Variants in MBTD1 observed in about 807,000 individuals in gnomAD.
MBTD1 encodes MBT domain-containing protein 1.
In MBTD1, 24 loss-of-function variants were observed where a neutral mutation model predicts 87.8. The ratio of observed to expected loss-of-function variants is 0.27; its 90% CI spans 0.20 to 0.38. MBTD1 has a LOEUF of 0.38. Ranked by LOEUF, MBTD1 falls within the 10% of genes least tolerant of loss-of-function variation. The probability of loss-of-function intolerance (pLI) is 1.00; values close to 1 mark genes in which losing one functional copy is unlikely to be tolerated. For missense variants in MBTD1, 436 were observed against 760.2 expected (o/e 0.57, Z 5.02); for synonymous variants, 237 against 248.6 (o/e 0.95, Z 0.44).
chr17:51,244,599 G>C (rs953851247), intron 2 of MBTD1, among the ~76,000 whole-genome samples: 2 of 152,040 alleles, frequency 1.3e-5, no homozygotes, highest in Non-Finnish European at 2.9e-5. Context: ...GTAGAGGCAG[G>C]GTTTCACCAT....
intron 12 of MBTD1, among the ~76,000 whole-genome samples, chr17:51,196,631 C>T (rs1208141280): frequency 6.6e-6 from 1 of 151,950 alleles, no homozygotes; most frequent in Non-Finnish European, 1.5e-5. Flanking sequence ...GTAGCTCATG[C>T]CTGTAATCTC....
At chr17:51,225,568 G>T (rs903443828) in intron 2 of MBTD1, among the ~76,000 whole-genome samples, 5 of 151,382 alleles carry the variant, frequency 3.3e-5, no homozygotes, top group African/African-American at 1.2e-4. Context: ...TGTTGCCCAG[G>T]CTGGTCTTTA....
Position 51,179,127 on chromosome 17 carries a change from G to A in MBTD1, c.*1449C>T, listed in dbSNP as rs1251272645. The A allele has an allele frequency of 1.3e-5, 2 of 152,036 alleles. No individual in the cohort carries two copies. The highest frequency in any genetic ancestry group is 1.9e-4 in the East Asian group (1 of 5,172). 9.4% of individuals were successfully genotyped at this position (152,036 alleles called of 1,614,324 possible). On this transcript the variant is annotated 3_prime_UTR_variant, in exon 17 of 17. Transcript: ENST00000586178. Reference sequence around the variant, plus strand: ...AAAGCATTCCATAGGCTGAAGGACTGTAGAGGTTAATCATTTTGATTAATT... The same window carrying A: ...AAAGCATTCCATAGGCTGAAGGACTATAGAGGTTAATCATTTTGATTAATT...
At chr17:51,186,372 CTGAA>C (rs2050534482) in intron 16 of MBTD1, 1 of 152,260 alleles carries the variant, frequency 6.6e-6, no homozygotes, top group Non-Finnish European at 1.5e-5. Context: ...GAGAGACTGA[CTGAA>C]TGTGTGTGTT....
At chr17:51,260,296 C>A, upstream of MBTD1, 1 of 517,412 alleles carries the variant, frequency 1.9e-6, no homozygotes, top group Non-Finnish European at 3.4e-6. Flanking sequence ...TCTTGCGCTC[C>A]TTTCAATATG....
chr17:51,240,237 T>C (rs545913422), intron 2 of MBTD1, among the ~76,000 whole-genome samples: 13 of 152,318 alleles, frequency 8.5e-5, no homozygotes, highest in African/African-American at 3.1e-4. Context: ...CATCTTACAT[T>C]AGTATTGAAC....
rs779682333 is a variant in MBTD1 at position 51,178,440 on chromosome 17, T to C, written c.*2136A>G. On this transcript the variant is annotated 3_prime_UTR_variant, in exon 17 of 17. Transcript: ENST00000586178. ...AACCTGGGTATAAATGAGCATTTCATAGATTACCAGGACTGACTAGCTCCA... is the reference window on the plus strand; with the variant it reads ...AACCTGGGTATAAATGAGCATTTCACAGATTACCAGGACTGACTAGCTCCA... 20 of 152,216 alleles carry C rather than the reference T, an allele frequency of 1.3e-4. No homozygotes were observed. The highest frequency in any genetic ancestry group is 2.6e-4 in the Non-Finnish European group (18 of 68,042). The allele number at this position is 152,216 out of a possible 1,614,324, so 9.4% of individuals were successfully genotyped here. A position where few individuals can be genotyped will look rare whatever the true frequency, so the allele number is the denominator to read the frequency against.
intron 2 of MBTD1, among the ~76,000 whole-genome samples, chr17:51,248,193 C>T (rs577783484): frequency 2.6e-5 from 4 of 152,308 alleles, no homozygotes; most frequent in South Asian, 2.1e-4. Flanking sequence ...GGTTCATCAA[C>T]TAGACGTATA....
Position 51,193,451 on chromosome 17 carries a change from C to A in MBTD1, c.1432G>T (p.Ala478Ser). The A allele has an allele frequency of 6.2e-7, 1 of 1,612,260 alleles. No individual in the cohort carries two copies. Among genetic ancestry groups the A allele is most frequent in the Non-Finnish European group, 8.5e-7 (1 of 1,179,412 alleles). The change falls in exon 14 of 17, where the codon GCA becomes TCA. Residue 478 changes from alanine (A) to serine (S), a missense_variant. Transcript: ENST00000586178. ...ACCTTATTAAATAGTTTTACTGGTG[C>A]TGCAATGGAGCCAGTTTCCCTGAGG... ...DYLRETGSIAAPVKLFNKDVP... is the reference protein window; with the variant it reads ...DYLRETGSIASPVKLFNKDVP...
intron 2 of MBTD1, among the ~76,000 whole-genome samples, chr17:51,248,145 C>CATCTATT (rs1410552637): frequency 6.6e-6 from 1 of 152,150 alleles, no homozygotes; most frequent in Non-Finnish European, 1.5e-5. Context: ...GCTAGTGATT[C>CATCTATT]ATCTATTATG....
At chr17:51,212,620 T>C (rs1378418048) in intron 6 of MBTD1, among the ~76,000 whole-genome samples, 1 of 145,978 alleles carries the variant, frequency 6.9e-6, no homozygotes, top group East Asian at 2.0e-4. Context: ...TTTATGTACA[T>C]TTATACATTT....
chr17:51,260,586 T>C, upstream of MBTD1: 2 of 1,611,690 alleles, frequency 1.2e-6, no homozygotes, highest in South Asian at 1.1e-5. Flanking sequence ...AACCTAACGA[T>C]GCCGCCGGAG....
chr17:51,256,707 T>G (rs2055109473), intron 2 of MBTD1: 1 of 152,226 alleles, frequency 6.6e-6, no homozygotes, highest in Non-Finnish European at 1.5e-5. Flanking sequence ...TAGTTACATT[T>G]CAAGTGCTCA....
At chr17:51,260,773 C>CGCG (rs1420208345), upstream of MBTD1, 1 of 1,579,064 alleles carries the variant, frequency 6.3e-7, no homozygotes, top group African/African-American at 1.3e-5. Flanking sequence ...CGATTGCAGT[C>CGCG]GCGGCGGCGG....
At chr17:51,220,492 T>C in intron 3 of MBTD1, 29 bp from the exon 4 acceptor site, 1 of 1,495,090 alleles carries the variant, frequency 6.7e-7, no homozygotes, top group East Asian at 2.5e-5. Flanking sequence ...ACACTGGTGT[T>C]ATGATGATAT....
intron 2 of MBTD1, among the ~76,000 whole-genome samples, chr17:51,225,668 T>C (rs1292515210): frequency 6.6e-6 from 1 of 152,146 alleles, no homozygotes; most frequent in Non-Finnish European, 1.5e-5. Context: ...AGGGATGTCC[T>C]GCCTCTGCAT....
intron 7 of MBTD1, 60 bp downstream of exon 7, chr17:51,206,828 T>C (rs1266777586): frequency 1.7e-6 from 2 of 1,175,952 alleles, no homozygotes; most frequent in Middle Eastern, 2.1e-4. Context: ...ACATGCTTTT[T>C]TTACGAAAGG....
chr17:51,190,655 G>A (rs748486352), intron 16 of MBTD1, among the ~76,000 whole-genome samples: 51 of 138,488 alleles, frequency 3.7e-4, no homozygotes, highest in Non-Finnish European at 6.3e-4. Flanking sequence ...CCGAGAAGTC[G>A]AGGCTGCAGT....
rs2050227933 is a variant in MBTD1, at chr17:51,179,520, ATATATATATATATATATG to A, written c.*1038_*1055del. The stretch of plus-strand genomic sequence containing the variant: ...TATATATATATATATATATATATAT[ATATATATATATATATATG>A]GAATTTTAAGAAAATTAAATTCTCT... On this transcript the variant is annotated 3_prime_UTR_variant, in exon 17 of 17. Transcript: ENST00000586178. 1 of 93,576 alleles carries A rather than the reference ATATATATATATATATATG, an allele frequency of 1.1e-5. No homozygotes were observed. The highest frequency in any genetic ancestry group is 2.1e-5 in the Non-Finnish European group (1 of 46,674). 5.8% of individuals were successfully genotyped at this position (93,576 alleles called of 1,614,324 possible).
Sources: allele counts gnomAD v4.1 joint callset (sites outside exome capture counted in the v4.1 genomes callset), GRCh38; gene constraint gnomAD v4.1.1; transcripts MANE v1.5; gene names NCBI Gene and HGNC (gene_info 2026-07-23, HGNC 2026-07-21).